The following SLC9C1 variants were observed in gnomAD, a reference collection of about 807,000 sequenced individuals.
SLC9C1 encodes solute carrier family 9 member C1.
A neutral mutation model predicts 140.9 loss-of-function variants in SLC9C1; 97 were observed. The ratio of observed to expected loss-of-function variants is 0.69; its 90% CI spans 0.58 to 0.82. The LOEUF (loss-of-function observed/expected upper bound fraction) is 0.82. Among genes scored for constraint, SLC9C1 ranks in the 40% least tolerant of loss-of-function variants. The probability of loss-of-function intolerance (pLI) is 0.00; values close to 1 mark genes in which losing one functional copy is unlikely to be tolerated. For synonymous variants in SLC9C1, 440 were observed against 442.6 expected (o/e 0.99, Z 0.07); for missense variants, 1,340 against 1,389.3 (o/e 0.96, Z 0.56).
At chr3:112,178,198 G>A (rs957330591) in intron 23 of SLC9C1, among the ~76,000 whole-genome samples, 1 of 151,764 alleles carries the variant, frequency 6.6e-6, no homozygotes, top group African/African-American at 2.4e-5. Flanking sequence ...GAGTGCAGTG[G>A]TGCAATCATG....
intron 1 of SLC9C1, among the ~76,000 whole-genome samples, chr3:112,290,199 T>G (rs2080637918): frequency 6.6e-6 from 1 of 152,172 alleles, no homozygotes; most frequent in African/African-American, 2.4e-5. Flanking sequence ...CTAGACGAAA[T>G]AAGGAAAATT....
intron 5 of SLC9C1, among the ~76,000 whole-genome samples, chr3:112,275,322 A>G (rs1419028601): frequency 1.3e-5 from 2 of 152,172 alleles, no homozygotes; most frequent in South Asian, 4.1e-4. Context: ...TAAATCAGAT[A>G]TATTTAAGGC....
intron 15 of SLC9C1, 106 bp downstream of exon 15, chr3:112,217,336 C>G: frequency 7.5e-7 from 1 of 1,332,374 alleles, no homozygotes; most frequent in South Asian, 1.6e-5. Context: ...TGTACCCTAG[C>G]ACTTATAGTA....
chr3:112,238,242 A>T (rs1038247843), intron 12 of SLC9C1, among the ~76,000 whole-genome samples: 5 of 152,138 alleles, frequency 3.3e-5, no homozygotes, highest in African/African-American at 1.2e-4. Flanking sequence ...CTTCCAGTTG[A>T]TTGAATCGGC....
Position 112,247,872 on chromosome 3 carries a change from A to AGTGTGT in SLC9C1, c.1198-3802_1198-3797dup, listed in dbSNP as rs56782439. Reference sequence around the variant, plus strand: ...TAAAGTGGTACTCAGTTTACTCTTGAGTGTGTGTGTGTGTGTGTGTGTGTG... The same window carrying AGTGTGT: ...TAAAGTGGTACTCAGTTTACTCTTGAGTGTGTGTGTGTGTGTGTGTGTGTGTGTGTG... On this transcript the variant is annotated intron_variant, in intron 10 of 28. Coordinates refer to ENST00000305815, the MANE Select transcript of SLC9C1 (RefSeq NM_183061.3). 3.4e-3 allele frequency among the ~76,000 whole-genome samples: 515 copies of AGTGTGT among 149,936 alleles called. 2 individuals carry two copies. Among genetic ancestry groups the AGTGTGT allele is most frequent in the African/African-American group, 7.9e-3 (324 of 40,936 alleles).
In SLC9C1 at chr3:112,259,327, GA is replaced by G. The variant is rs990243628; in HGVS notation, c.1197+3596del. Among the ~76,000 whole-genome samples, 26 of 147,654 alleles carry G rather than the reference GA, an allele frequency of 1.8e-4. No individual in the cohort carries two copies. The East Asian group carries it at 4.6e-3, about 26-fold the overall frequency. On this transcript the variant is annotated intron_variant, in intron 10 of 28. Coordinates refer to ENST00000305815, the MANE Select transcript of SLC9C1 (RefSeq NM_183061.3). The stretch of plus-strand genomic sequence containing the variant: ...GAGGATAGGAGAAGGGAGAGGATTG[GA>G]AAAAAAATAACTATTGGGAACTAGG...
intron 15 of SLC9C1, among the ~76,000 whole-genome samples, chr3:112,212,542 A>G (rs983739112): frequency 1.9e-4 from 29 of 152,258 alleles, no homozygotes; most frequent in Non-Finnish European, 5.9e-5. Context: ...CCATGGCACA[A>G]GAACTACATG....
At chr3:112,217,315 C>A (rs547432464) in intron 15 of SLC9C1, 127 bp downstream of exon 15, 2 of 1,093,110 alleles carry the variant, frequency 1.8e-6, no homozygotes, top group African/African-American at 1.6e-5. Flanking sequence ...GTAACCTGCA[C>A]GTTGTGCACA....
At chr3:112,238,507 C>T (rs1439098080) in intron 12 of SLC9C1, among the ~76,000 whole-genome samples, 3 of 152,180 alleles carry the variant, frequency 2.0e-5, no homozygotes, top group African/African-American at 4.8e-5. Context: ...TGAGGAGCTG[C>T]GTTCCTTTGG....
intron 15 of SLC9C1, among the ~76,000 whole-genome samples, chr3:112,211,099 G>T (rs1275463048): frequency 6.6e-6 from 1 of 152,172 alleles, no homozygotes; most frequent in East Asian, 1.9e-4. Flanking sequence ...CTTTAGGTAT[G>T]TTTGTGAGCA....
chr3:112,198,188 T>C (rs1238271323), intron 20 of SLC9C1, among the ~76,000 whole-genome samples: 1 of 152,018 alleles, frequency 6.6e-6, no homozygotes, highest in Non-Finnish European at 1.5e-5. Context: ...TTATATTAGG[T>C]TCATAGATAA....
intron 3 of SLC9C1, 95 bp from the exon 4 acceptor site, chr3:112,278,952 C>T (rs1322142725): frequency 2.4e-6 from 3 of 1,275,478 alleles, no homozygotes; most frequent in Non-Finnish European, 2.1e-6. Context: ...TAGAGAAAGA[C>T]AATTTTTAAA....
intron 1 of SLC9C1, among the ~76,000 whole-genome samples, chr3:112,291,613 A>C (rs2108379578): frequency 6.6e-6 from 1 of 152,324 alleles, no homozygotes; most frequent in Non-Finnish European, 1.5e-5. Context: ...AAAGTCAAAA[A>C]ATAACAGATG....
Position 112,182,148 on chromosome 3 carries a change from A to T in SLC9C1, c.2634T>A (p.Tyr878Ter). 1 of 1,562,720 alleles carries T rather than the reference A, an allele frequency of 6.4e-7. No homozygotes were observed. The highest frequency in any genetic ancestry group is 8.7e-7 in the Non-Finnish European group (1 of 1,155,768). Residue 878 changes from tyrosine to a stop codon, truncating the protein, a stop_gained, in exon 21 of 29, where the codon TAT becomes TAA. Coordinates refer to ENST00000305815, the MANE Select transcript of SLC9C1 (RefSeq NM_183061.3). LOFTEE classifies it high-confidence loss of function. The part of the protein sequence containing the change: ...HIPWLDKNKD[Y>*]INFIQEKAKV... ...AAAGTGTTACCTGAATGAAGTTTAT[A>T]TAATCTTTGTTTTTATCTAGCCACG...
In SLC9C1 at chr3:112,246,199, C is replaced by T. The variant is rs374193796; in HGVS notation, c.1198-2123G>A. Among the ~76,000 whole-genome samples the T allele has an allele frequency of 3.3e-4, 51 of 152,270 alleles. 1 individual carries two copies. In the South Asian group the frequency reaches 7.9e-3, roughly 24 times the overall value. On this transcript the variant is annotated intron_variant, in intron 10 of 28. Transcript: ENST00000305815. ...TCAAGAGTGCAGCATCAGCCTCTGGCTTGTAAAGGCACCCAGTAGGCTTAT... is the reference window on the plus strand; with the variant it reads ...TCAAGAGTGCAGCATCAGCCTCTGGTTTGTAAAGGCACCCAGTAGGCTTAT...
chr3:112,179,911 C>A (rs949874336), intron 22 of SLC9C1, among the ~76,000 whole-genome samples: 2 of 152,188 alleles, frequency 1.3e-5, no homozygotes, highest in African/African-American at 4.8e-5. Flanking sequence ...CTTTCTGATT[C>A]CTCCTACTTA....
chr3:112,156,113 A>AT (rs1205744317), intron 26 of SLC9C1, among the ~76,000 whole-genome samples: 4 of 151,954 alleles, frequency 2.6e-5, no homozygotes, highest in Admixed American at 2.0e-4. Flanking sequence ...CTCTAACTGT[A>AT]TTTTTGTGTA....
At chr3:112,288,223 T>C (rs538094236) in intron 1 of SLC9C1, among the ~76,000 whole-genome samples, 1 of 152,150 alleles carries the variant, frequency 6.6e-6, no homozygotes, top group East Asian at 1.9e-4. Flanking sequence ...AAGGGGAAAA[T>C]AAATACATGT....
intron 20 of SLC9C1, among the ~76,000 whole-genome samples, chr3:112,196,505 A>AAT (rs1440747754): frequency 6.6e-6 from 1 of 151,978 alleles, no homozygotes; most frequent in Non-Finnish European, 1.5e-5. Flanking sequence ...GGACTCCCAC[A>AAT]ATATATATTG....
Sources: gnomAD v4.1 joint callset for allele counts (sites outside exome capture counted in the v4.1 genomes callset) on GRCh38, gnomAD v4.1.1 for gene constraint, MANE v1.5 for transcripts, NCBI Gene and HGNC (gene_info 2026-07-23, HGNC 2026-07-21) for gene names.